ST6GALNAC5: variants seen among roughly 807,000 people sequenced by gnomAD.
ST6GALNAC5 encodes alpha-N-acetylgalactosaminide alpha-2,6-sialyltransferase 5.
Under a neutral mutation model 33.6 loss-of-function variants are expected in ST6GALNAC5, and 27 were observed. The ratio of observed to expected loss-of-function variants is 0.80; its 90% CI spans 0.59 to 1.11. ST6GALNAC5 has a LOEUF of 1.11. Ranked by LOEUF, ST6GALNAC5 falls within the 50% of genes least tolerant of loss-of-function variation. The pLI is 0.00. For synonymous variants in ST6GALNAC5, 194 were observed against 171.2 expected, an observed-to-expected ratio of 1.13 and a Z score of -1.04; for missense variants, 428 against 454.0, an observed-to-expected ratio of 0.94 and a Z score of 0.52.
chr1:76,909,877 A>T (rs1227698981), intron 2 of ST6GALNAC5, among the ~76,000 whole-genome samples: 2 of 152,108 alleles, frequency 1.3e-5, no homozygotes, highest in Non-Finnish European at 2.9e-5. Context: ...TTACAACTCC[A>T]TAGAGTTGTC....
At chr1:77,012,995 G>T (rs1027933114) in intron 2 of ST6GALNAC5, among the ~76,000 whole-genome samples, 4 of 152,154 alleles carry the variant, frequency 2.6e-5, no homozygotes, top group Admixed American at 6.5e-5. Context: ...AGCCCCCAAA[G>T]AAGGAGGCTT....
At chr1:76,973,134 T>C (rs1367938610) in intron 2 of ST6GALNAC5, among the ~76,000 whole-genome samples, 1 of 152,104 alleles carries the variant, frequency 6.6e-6, no homozygotes, top group East Asian at 1.9e-4. Context: ...GCTTCTGGTT[T>C]TGTTTGGTAT....
chr1:76,969,507 G>T (rs540706609), intron 2 of ST6GALNAC5, among the ~76,000 whole-genome samples: 1 of 152,300 alleles, frequency 6.6e-6, no homozygotes, highest in South Asian at 2.1e-4. Flanking sequence ...CCTTCAGTAG[G>T]TAAACAAAGC....
intron 2 of ST6GALNAC5, among the ~76,000 whole-genome samples, chr1:76,893,527 A>C (rs1322732930): frequency 6.6e-6 from 1 of 152,210 alleles, no homozygotes; most frequent in Non-Finnish European, 1.5e-5. Context: ...TATCCACGTC[A>C]TTGGAATTAT....
intron 2 of ST6GALNAC5, among the ~76,000 whole-genome samples, chr1:76,964,035 A>C (rs76759211): frequency 6.6e-6 from 1 of 152,258 alleles, no homozygotes; most frequent in Non-Finnish European, 1.5e-5. Flanking sequence ...GAAACTAAAT[A>C]AAGTGAGGAA....
At chr1:76,987,316 T>C (rs1649549755) in intron 2 of ST6GALNAC5, among the ~76,000 whole-genome samples, 1 of 152,128 alleles carries the variant, frequency 6.6e-6, no homozygotes, top group Non-Finnish European at 1.5e-5. Flanking sequence ...AGATATAAAA[T>C]GTTAGCCAAA....
At chr1:76,970,133 G>T (rs1648685079) in intron 2 of ST6GALNAC5, among the ~76,000 whole-genome samples, 1 of 152,014 alleles carries the variant, frequency 6.6e-6, no homozygotes, top group Non-Finnish European at 1.5e-5. Flanking sequence ...CTGAAAACCA[G>T]AGTGCTTCTT....
intron 2 of ST6GALNAC5, among the ~76,000 whole-genome samples, chr1:76,870,830 A>G (rs1388931614): frequency 6.6e-6 from 1 of 152,222 alleles, no homozygotes; most frequent in Non-Finnish European, 1.5e-5. Context: ...ACAAAATTCT[A>G]TACCCAAAGG....
intron 2 of ST6GALNAC5, among the ~76,000 whole-genome samples, chr1:76,948,587 C>CAGAGAGAGAGAGAGAG (rs60959607): frequency 6.8e-4 from 88 of 129,720 alleles, no homozygotes; most frequent in African/African-American, 1.6e-3. Context: ...GGAGTGGGGA[C>CAGAGAGAGAGAGAGAG]AGAGAGAGAG....
chr1:76,920,345 A>T (rs1349616553), intron 2 of ST6GALNAC5, among the ~76,000 whole-genome samples: 1 of 152,194 alleles, frequency 6.6e-6, no homozygotes, highest in Non-Finnish European at 1.5e-5. Flanking sequence ...TTGACATCTT[A>T]AAAGAAAACA....
intron 2 of ST6GALNAC5, among the ~76,000 whole-genome samples, chr1:76,964,783 G>A (rs1570714649): frequency 6.6e-6 from 1 of 152,000 alleles, no homozygotes; most frequent in African/African-American, 2.4e-5. Flanking sequence ...ACAGGCCTCA[G>A]GGTGAGATGT....
At chr1:77,050,113 G>C in intron 3 of ST6GALNAC5, 145 bp from the exon 4 acceptor site, 1 of 632,804 alleles carries the variant, frequency 1.6e-6, no homozygotes, top group Non-Finnish European at 2.8e-6. Flanking sequence ...ATGTCAATTT[G>C]ATAAAGTTCC....
At chr1:76,873,801 C>T (rs373978361) in intron 2 of ST6GALNAC5, among the ~76,000 whole-genome samples, 5 of 152,288 alleles carry the variant, frequency 3.3e-5, no homozygotes, top group African/African-American at 1.2e-4. Flanking sequence ...TTTTAATCAT[C>T]ACAATGTGTA....
chr1:76,973,688 TA>T (rs567778519), intron 2 of ST6GALNAC5, among the ~76,000 whole-genome samples: 1 of 152,082 alleles, frequency 6.6e-6, no homozygotes, highest in Non-Finnish European at 1.5e-5. Flanking sequence ...TCCAAAGTTA[TA>T]AAAAAATCCC....
At chr1:77,016,708 C>G (rs542116175) in intron 2 of ST6GALNAC5, among the ~76,000 whole-genome samples, 1 of 152,208 alleles carries the variant, frequency 6.6e-6, no homozygotes, top group South Asian at 2.1e-4. Context: ...GGATGCACAC[C>G]CTTTTAAATG....
intron 4 of ST6GALNAC5, among the ~76,000 whole-genome samples, chr1:77,054,823 T>C (rs1477647152): frequency 2.0e-5 from 3 of 152,030 alleles, no homozygotes; most frequent in Non-Finnish European, 4.4e-5. Flanking sequence ...AGAAAACTAA[T>C]TGTACCCCCT....
rs182987805 is a variant in ST6GALNAC5, at chr1:77,064,704, A to C, written c.*1498A>C. The C allele has an allele frequency of 6.6e-6, 1 of 152,288 alleles. No homozygotes were observed. Among genetic ancestry groups the C allele is most frequent in the Admixed American group, 6.5e-5 (1 of 15,294 alleles). 9.4% of individuals were successfully genotyped at this position (152,288 alleles called of 1,614,324 possible). On this transcript the variant is annotated 3_prime_UTR_variant, in exon 5 of 5. Coordinates refer to ENST00000477717, the MANE Select transcript of ST6GALNAC5 (RefSeq NM_030965.3). ...TATTGTTCAAAAATAGTCTCTTATAAATATACTAGTGTTTTCTTTACACAT... is the reference window on the plus strand; with the variant it reads ...TATTGTTCAAAAATAGTCTCTTATACATATACTAGTGTTTTCTTTACACAT...
rs143320862 is a variant in ST6GALNAC5 at position 77,013,073 on chromosome 1, C to A, written c.262-31131C>A. Among the ~76,000 whole-genome samples the A allele has an allele frequency of 4.1e-3, 627 of 152,248 alleles. 4 individuals are homozygous for A. Among genetic ancestry groups the A allele is most frequent in the African/African-American group, 0.014 (584 of 41,552 alleles). ...GCAAAGACCTCCCTGGCAGAAGGAG[C>A]AGTGTGTGCACAAGAGGACAGAAGG... On this transcript the variant is annotated intron_variant, in intron 2 of 4. Transcript: ENST00000477717.
At chr1:76,871,484 T>A (rs1240546842) in intron 2 of ST6GALNAC5, 1 of 152,244 alleles carries the variant, frequency 6.6e-6, no homozygotes, top group Non-Finnish European at 1.5e-5. Flanking sequence ...TACATGATGT[T>A]GTTAACATTA....
Sources: gnomAD v4.1 joint callset for allele counts (sites outside exome capture counted in the v4.1 genomes callset) on GRCh38, gnomAD v4.1.1 for gene constraint, MANE v1.5 for transcripts, NCBI Gene and HGNC (gene_info 2026-07-23, HGNC 2026-07-21) for gene names.